The following NSF variants were observed in gnomAD, a reference collection of about 807,000 sequenced individuals.
NSF encodes N-ethylmaleimide sensitive factor, vesicle fusing ATPase.
In NSF, 14 loss-of-function variants were observed where a neutral mutation model predicts 50.3. The ratio of observed to expected loss-of-function variants is 0.28; its 90% confidence interval spans 0.18 to 0.44. The LOEUF (loss-of-function observed/expected upper bound fraction) is 0.44. Among genes scored for constraint, NSF ranks in the 20% least tolerant of loss-of-function variants. The pLI is 1.00. For synonymous variants in NSF, 109 were observed against 175.7 expected (o/e 0.62, Z 3.00); for missense variants, 218 against 504.3 (o/e 0.43, Z 5.44).
chr17:46,732,869 A>T (rs2058963709), intron 17 of NSF, among the ~76,000 whole-genome samples: 1 of 152,162 alleles, frequency 6.6e-6, no homozygotes, highest in African/African-American at 2.4e-5. Context: ...TTCTCTGAGA[A>T]CTCAGCAGCA....
At chr17:46,713,662 A>G (rs1446740908) in intron 14 of NSF, among the ~76,000 whole-genome samples, 191 bp from the exon 15 acceptor site, 2 of 152,218 alleles carry the variant, frequency 1.3e-5, no homozygotes, top group Non-Finnish European at 2.9e-5. Context: ...CTTTTGAGAA[A>G]TGCTAATTAG....
intron 17 of NSF, among the ~76,000 whole-genome samples, chr17:46,736,604 T>G (rs2059007827): frequency 6.6e-6 from 1 of 152,224 alleles, no homozygotes; most frequent in Non-Finnish European, 1.5e-5. Flanking sequence ...CATATGTTAC[T>G]TTGATAATCA....
At chr17:46,709,848 CT>C (rs1007879106) in intron 13 of NSF, among the ~76,000 whole-genome samples, 10 of 152,268 alleles carry the variant, frequency 6.6e-5, no homozygotes, top group African/African-American at 2.2e-4. Flanking sequence ...TTCATCATTA[CT>C]TTTTACACTG....
intron 17 of NSF, among the ~76,000 whole-genome samples, chr17:46,736,172 A>G (rs910257520): frequency 2.0e-4 from 31 of 152,106 alleles, no homozygotes; most frequent in African/African-American, 7.5e-4. Context: ...CCTACATCCT[A>G]AGACAAATAC....
At position 46,676,233 on chromosome 17, in the gene NSF, C is replaced by CTT. The variant is rs140135606; in HGVS notation, c.945+1635_945+1636dup. ...GAAATCTCCTATGGGAATTCTTCTT[C>CTT]TTTTTTTTTTTTTTTTGAGATGGAG... On this transcript the variant is annotated intron_variant, in intron 9 of 20. Transcript: ENST00000398238. Among the ~76,000 whole-genome samples, 282 of 135,594 alleles carry CTT rather than the reference C, an allele frequency of 2.1e-3. 2 individuals carry two copies. Among genetic ancestry groups the CTT allele is most frequent in the African/African-American group, 7.2e-3 (247 of 34,146 alleles). The allele number at this position is 135,594 out of a possible 152,430, so 89.0% of individuals were successfully genotyped here. A position where few individuals can be genotyped will look rare whatever the true frequency, so the allele number is the denominator to read the frequency against.
chr17:46,714,186 C>G (rs2058745532), intron 15 of NSF, among the ~76,000 whole-genome samples, 200 bp downstream of exon 15: 1 of 152,050 alleles, frequency 6.6e-6, no homozygotes, highest in Non-Finnish European at 1.5e-5. Flanking sequence ...TTATTGAGTA[C>G]CTTTACCTTC....
intron 15 of NSF, among the ~76,000 whole-genome samples, chr17:46,717,125 G>A (rs975044279): frequency 1.3e-5 from 2 of 152,188 alleles, no homozygotes; most frequent in African/African-American, 4.8e-5. Context: ...TAAAGAAAAT[G>A]TGACACATAT....
intron 14 of NSF, 22 bp downstream of exon 14, chr17:46,711,141 G>C: frequency 6.8e-7 from 1 of 1,472,412 alleles, no homozygotes; most frequent in Non-Finnish European, 9.0e-7. Flanking sequence ...TGAGGAGATG[G>C]CATTAAAAGT....
intron 18 of NSF, among the ~76,000 whole-genome samples, chr17:46,750,303 A>G (rs1046960812): frequency 6.6e-6 from 1 of 152,220 alleles, no homozygotes; most frequent in Non-Finnish European, 1.5e-5. Context: ...CAGTGAGCCA[A>G]GATTGTGCCA....
At chr17:46,755,722 A>AT (rs71138549) in intron 20 of NSF, 80 bp from the exon 21 acceptor site, 33,602 of 1,042,540 alleles carry the variant, frequency 0.032, 95 homozygotes, top group African/African-American at 0.05. Context: ...GCTTTTAGTG[A>AT]TTTTTTTTTT....
At chr17:46,749,738 A>G in intron 17 of NSF, 35 bp from the exon 18 acceptor site, 1 of 1,591,058 alleles carries the variant, frequency 6.3e-7, no homozygotes, top group Non-Finnish European at 8.6e-7. Context: ...TAGTCTTATT[A>G]TGTACATTTT....
intron 19 of NSF, 136 bp from the exon 20 acceptor site, chr17:46,755,178 A>G (rs1166137011): frequency 3.0e-6 from 2 of 663,340 alleles, no homozygotes; most frequent in Admixed American, 4.7e-5. Flanking sequence ...AATGCTGGTC[A>G]AGGAGCAGGT....
At chr17:46,748,117 A>T (rs568488802) in intron 17 of NSF, among the ~76,000 whole-genome samples, 44 of 152,038 alleles carry the variant, frequency 2.9e-4, no homozygotes, top group African/African-American at 8.9e-4. Flanking sequence ...TTATTTATTT[A>T]TTTTTTTGAG....
chr17:46,735,849 G>C (rs904505012), intron 17 of NSF, among the ~76,000 whole-genome samples: 2 of 152,160 alleles, frequency 1.3e-5, no homozygotes, highest in African/African-American at 4.8e-5. Flanking sequence ...GGAAGCTGAG[G>C]CAGGAGAATT....
rs2059229298 is a variant in NSF, at chr17:46,755,883, GGATCTTCACT to G, written c.*62_*71del. The G allele has an allele frequency of 1.3e-6, 2 of 1,523,890 alleles. No individual in the cohort carries two copies. Among genetic ancestry groups the G allele is most frequent in the Admixed American group, 1.7e-5 (1 of 57,638 alleles). 94.4% of individuals were successfully genotyped at this position (1,523,890 alleles called of 1,614,324 possible). A position where few individuals can be genotyped will look rare whatever the true frequency, so the allele number is the denominator to read the frequency against. ...AAGTGACCAAGGTGAAGATGGCCTA[GGATCTTCACT>G]GTCTTACTCAAGATACTGGACTAAG... On this transcript the variant is annotated 3_prime_UTR_variant, in exon 21 of 21. Transcript: ENST00000398238.
At chr17:46,744,352 G>T (rs901505446) in intron 17 of NSF, among the ~76,000 whole-genome samples, 1 of 152,162 alleles carries the variant, frequency 6.6e-6, no homozygotes, top group Non-Finnish European at 1.5e-5. Flanking sequence ...AAAAACATCA[G>T]ATTCTACTAA....
At chr17:46,622,521 G>A (rs1428313484) in intron 1 of NSF, among the ~76,000 whole-genome samples, 1 of 149,472 alleles carries the variant, frequency 6.7e-6, no homozygotes, top group African/African-American at 2.5e-5. Context: ...AGTGGCTCAC[G>A]CCTGTAATCC....
intron 9 of NSF, among the ~76,000 whole-genome samples, chr17:46,691,397 C>CCT (rs1443460558): frequency 9.1e-6 from 1 of 109,862 alleles, no homozygotes; most frequent in East Asian, 3.0e-4. Flanking sequence ...GAGTTCGAGA[C>CCT]CAGCCTGGCA....
intron 1 of NSF, among the ~76,000 whole-genome samples, chr17:46,622,490 A>G (rs1480882954): frequency 1.3e-5 from 2 of 149,734 alleles, no homozygotes; most frequent in East Asian, 3.9e-4. Context: ...AAATAGATAA[A>G]TAAATGGTGT....
Sources: allele counts gnomAD v4.1 joint callset (sites outside exome capture counted in the v4.1 genomes callset), GRCh38; gene constraint gnomAD v4.1.1; transcripts MANE v1.5; gene names NCBI Gene and HGNC (gene_info 2026-07-23, HGNC 2026-07-21).